The following HERC3 variants were observed in gnomAD, a reference collection of about 807,000 sequenced individuals.
HERC3 encodes HECT and RLD domain containing E3 ubiquitin protein ligase 3, also known as probable E3 ubiquitin-protein ligase HERC3.
A neutral mutation model predicts 129.9 loss-of-function variants in HERC3; 58 were observed. That is an observed-to-expected ratio of 0.45 (90% CI 0.36 to 0.56). The LOEUF (loss-of-function observed/expected upper bound fraction) is 0.56, where lower values mean the gene tolerates loss of function less well. HERC3 is among the 20% of genes least tolerant of loss of function. The probability of loss-of-function intolerance (pLI) is 0.00; values close to 1 mark genes in which losing one functional copy is unlikely to be tolerated. For synonymous variants in HERC3, 430 were observed against 451.0 expected (o/e 0.95, Z 0.59); for missense variants, 835 against 1,244.2 (o/e 0.67, Z 4.95).
At chr4:88,607,039 T>C (rs1008166392) in intron 3 of HERC3, among the ~76,000 whole-genome samples, 4 of 152,154 alleles carry the variant, frequency 2.6e-5, no homozygotes, top group African/African-American at 9.7e-5. Context: ...GAATGAGATA[T>C]GGTGATGATG....
chr4:88,569,782 G>A, the HERC3 span, among the ~76,000 whole-genome samples: 1 of 152,228 alleles, frequency 6.6e-6, no homozygotes, highest in Non-Finnish European at 1.5e-5. Context: ...GTGTATGCAA[G>A]CCAGGCAGCC....
chr4:88,543,163 T>C, the HERC3 span, among the ~76,000 whole-genome samples: 1 of 152,186 alleles, frequency 6.6e-6, no homozygotes, highest in Non-Finnish European at 1.5e-5. Context: ...TGTTTGCAAA[T>C]GACATGATTG....
At chr4:88,612,594 G>A (rs1295504937) in intron 3 of HERC3, among the ~76,000 whole-genome samples, 1 of 152,012 alleles carries the variant, frequency 6.6e-6, no homozygotes, top group East Asian at 1.9e-4. Flanking sequence ...TCTCTCACAT[G>A]ACTTTTCTCT....
At chr4:88,545,318 C>T in the HERC3 span, among the ~76,000 whole-genome samples, 1 of 151,768 alleles carries the variant, frequency 6.6e-6, no homozygotes. Flanking sequence ...TTTGGTTATT[C>T]TACCAACTTT....
chr4:88,539,844 C>A, the HERC3 span, among the ~76,000 whole-genome samples: 1 of 152,126 alleles, frequency 6.6e-6, no homozygotes, highest in African/African-American at 2.4e-5. Context: ...TAGCTGAGGG[C>A]CCTGACTGTT....
In HERC3 at chr4:88,664,143, C is replaced by T. The variant is rs200626729; in HGVS notation, c.1272-10C>T. 837 of 1,606,344 alleles carry T rather than the reference C, an allele frequency of 5.2e-4. 1 individual carries two copies. Among genetic ancestry groups the T allele is most frequent in the Admixed American group, 1.9e-3 (110 of 58,844 alleles). On this transcript the variant is annotated splice_polypyrimidine_tract_variant and intron_variant, in intron 11 of 25. Coordinates refer to ENST00000402738, the MANE Select transcript of HERC3 (RefSeq NM_014606.3). The stretch of plus-strand genomic sequence containing the variant: ...TAAAGGCTTCCCCCTCCCTTCTTTT[C>T]TTTGAGCAGTGGTGTTGTTCAGATA...
In HERC3 at chr4:88,654,128, A is replaced by T. The variant is rs781370832; in HGVS notation, c.772A>T (p.Thr258Ser). The T allele has an allele frequency of 6.2e-7, 1 of 1,609,642 alleles. No homozygotes were observed. Among genetic ancestry groups the T allele is most frequent in the Non-Finnish European group, 8.5e-7 (1 of 1,176,178 alleles). The part of the protein sequence containing the change: ...SCGEEHTAVL[T>S]KSGGVFTFGA... ...TGGAGAAGAACACACAGCAGTTCTC[A>T]CAAAGGTAAGGAGCTCAGAGTATTT... Residue 258 changes from threonine (T) to serine (S), a missense_variant, in exon 7 of 26, where the codon ACA (threonine) becomes TCA (serine). By Grantham distance (58) the Thr-to-Ser change is moderately conservative. Transcript: ENST00000402738.
chr4:88,645,307 A>G (rs1041060604), intron 3 of HERC3, among the ~76,000 whole-genome samples: 4 of 152,190 alleles, frequency 2.6e-5, no homozygotes, highest in African/African-American at 7.2e-5. Context: ...GGTTTCCTAC[A>G]ATATGTCTCT....
chr4:88,682,791 A>G (rs924229803), intron 21 of HERC3, among the ~76,000 whole-genome samples: 1 of 151,958 alleles, frequency 6.6e-6, no homozygotes, highest in Non-Finnish European at 1.5e-5. Flanking sequence ...ATACGTGTGC[A>G]TGTGTCTTTA....
chr4:88,618,512 A>G (rs1261467748), intron 3 of HERC3, among the ~76,000 whole-genome samples: 1 of 152,208 alleles, frequency 6.6e-6, no homozygotes, highest in East Asian at 1.9e-4. Flanking sequence ...TATAGAGTGG[A>G]ACTCATCTTT....
chr4:88,671,234 G>A (rs1193240265), intron 16 of HERC3, among the ~76,000 whole-genome samples: 8 of 152,090 alleles, frequency 5.3e-5, no homozygotes, highest in Admixed American at 5.2e-4. Flanking sequence ...TTTGGTTATT[G>A]TATTTTGTGA....
chr4:88,647,365 G>A (rs994209949), intron 3 of HERC3, among the ~76,000 whole-genome samples: 5 of 152,156 alleles, frequency 3.3e-5, no homozygotes, highest in African/African-American at 7.2e-5. Flanking sequence ...GGAAGGTTAG[G>A]TACCAAGAGA....
In HERC3 at chr4:88,655,975, T is replaced by C. The variant is rs1343391021; in HGVS notation, c.1009T>C (p.Cys337Arg). The change falls in exon 9 of 26, where the codon TGC becomes CGC. Residue 337 changes from cysteine (C) to arginine (R), a missense_variant. Cys to Arg is a radical substitution (Grantham distance 180). Coordinates refer to ENST00000402738, the MANE Select transcript of HERC3 (RefSeq NM_014606.3). ...AACTGGGCACACTTGTAATGTTAAGTGCCCATCTCCTGTCAAGGGTTACTG... is the reference window on the plus strand; with the variant it reads ...AACTGGGCACACTTGTAATGTTAAGCGCCCATCTCCTGTCAAGGGTTACTG... Reference protein sequence around the residue: ...LGTGHTCNVKCPSPVKGYWAA... With the variant: ...LGTGHTCNVKRPSPVKGYWAA... 1 of 1,614,044 alleles carries C rather than the reference T, an allele frequency of 6.2e-7. No homozygotes were observed. The highest frequency in any genetic ancestry group is 8.5e-7 in the Non-Finnish European group (1 of 1,179,996).
chr4:88,655,389 C>G, intron 8 of HERC3, 85 bp downstream of exon 8: 6 of 1,436,540 alleles, frequency 4.2e-6, no homozygotes, highest in South Asian at 1.2e-5. Context: ...GTGATTATAC[C>G]TAGTCACCGT....
chr4:88,639,655 A>G, intron 3 of HERC3, among the ~76,000 whole-genome samples: 1 of 152,222 alleles, frequency 6.6e-6, no homozygotes. Flanking sequence ...CCCAGGCAAT[A>G]CCATTCAGGA....
the HERC3 span, among the ~76,000 whole-genome samples, chr4:88,572,976 C>T: frequency 6.6e-6 from 1 of 152,194 alleles, no homozygotes; most frequent in Non-Finnish European, 1.5e-5. Flanking sequence ...AGATATTTCT[C>T]CCTTGTGTGT....
At chr4:88,623,765 G>T (rs1024416468) in intron 3 of HERC3, among the ~76,000 whole-genome samples, 12 of 151,974 alleles carry the variant, frequency 7.9e-5, no homozygotes, top group African/African-American at 2.9e-4. Context: ...TATATTTTTT[G>T]GTGTGTATGT....
chr4:88,664,358 A>T (rs996148532), intron 12 of HERC3, 146 bp downstream of exon 12: 23 of 634,236 alleles, frequency 3.6e-5, no homozygotes, highest in Non-Finnish European at 5.8e-5. Flanking sequence ...ACTGAATTCC[A>T]GCCTGGACAA....
Position 88,653,008 on chromosome 4 carries a change from C to G in HERC3, c.603C>G (p.His201Gln). The stretch of plus-strand genomic sequence containing the variant: ...CTCAGGTGGCTGCCGGAGGGGCTCA[C>G]AGCTTTGCCCTGTCTCTCTCAGGAG... ...PLAQVAAGGA[H>Q]SFALSLSGAV... Residue 201 changes from histidine to glutamine, a missense_variant, in exon 6 of 26, where the codon CAC (histidine) becomes CAG (glutamine). Transcript: ENST00000402738. 6.2e-7 allele frequency: 1 copy of G among 1,614,238 alleles called. No homozygotes were observed.
Sources: gnomAD v4.1 joint callset for allele counts (sites outside exome capture counted in the v4.1 genomes callset) on GRCh38, gnomAD v4.1.1 for gene constraint, MANE v1.5 for transcripts, NCBI Gene and HGNC (gene_info 2026-07-23, HGNC 2026-07-21) for gene names.